CUL5: variants seen among roughly 807,000 people sequenced by gnomAD.
CUL5 encodes the protein cullin-5.
A neutral mutation model predicts 108.8 loss-of-function variants in CUL5; 26 were observed. That is an observed-to-expected ratio of 0.24 (90% CI 0.18 to 0.33). CUL5 has a LOEUF of 0.33. Among genes scored for constraint, CUL5 ranks in the 10% least tolerant of loss-of-function variants. The probability of loss-of-function intolerance (pLI) is 1.00; values close to 1 mark genes in which losing one functional copy is unlikely to be tolerated. For synonymous variants in CUL5, 334 were observed against 298.0 expected, an observed-to-expected ratio of 1.12 and a Z score of -1.25; for missense variants, 524 against 909.2, an observed-to-expected ratio of 0.58 and a Z score of 5.45.
rs543797905 is a variant in CUL5 at position 108,053,873 on chromosome 11, G to T, written c.554-774G>T. 4.6e-5 allele frequency among the ~76,000 whole-genome samples: 7 copies of T among 151,026 alleles called. No individual in the cohort carries two copies. In the East Asian group the frequency reaches 9.8e-4, roughly 21 times the overall value. ...TGTTTCTTTTTTTTTCTTTTTTTGA[G>T]ACAGAGTCTCACTCTGTCACCCAGG... On this transcript the variant is annotated intron_variant, in intron 5 of 18. Coordinates refer to ENST00000393094, the MANE Select transcript of CUL5 (RefSeq NM_003478.6).
At chr11:108,093,311 A>G (rs1864403022) in intron 13 of CUL5, among the ~76,000 whole-genome samples, 1 of 152,206 alleles carries the variant, frequency 6.6e-6, no homozygotes, top group African/African-American at 2.4e-5. Context: ...TGTCAGTGTC[A>G]TGAAATACTG....
intron 2 of CUL5, among the ~76,000 whole-genome samples, chr11:108,044,752 T>A (rs534161499): frequency 5.9e-5 from 9 of 151,328 alleles, no homozygotes; most frequent in African/African-American, 2.2e-4. Context: ...TTTTTTTTTA[T>A]ATTTTAATTT....
At chr11:108,011,769 A>T (rs1862063416) in intron 1 of CUL5, among the ~76,000 whole-genome samples, 1 of 152,154 alleles carries the variant, frequency 6.6e-6, no homozygotes. Flanking sequence ...CTGGGACTAC[A>T]GGCGCACGCC....
chr11:108,057,355 A>G (rs1189683041), intron 7 of CUL5, among the ~76,000 whole-genome samples: 1 of 152,196 alleles, frequency 6.6e-6, no homozygotes, highest in Non-Finnish European at 1.5e-5. Context: ...GAAATGAAAT[A>G]GGATATTTGC....
intron 13 of CUL5, among the ~76,000 whole-genome samples, chr11:108,092,627 A>G (rs1195488752): frequency 1.3e-5 from 2 of 152,168 alleles, no homozygotes; most frequent in Non-Finnish European, 2.9e-5. Flanking sequence ...CACTAATGTG[A>G]AGTGTCCAGA....
intron 1 of CUL5, among the ~76,000 whole-genome samples, chr11:108,016,787 C>T (rs1046223987): frequency 2.0e-5 from 3 of 151,376 alleles, no homozygotes; most frequent in African/African-American, 7.3e-5. Flanking sequence ...CCCATTTGTA[C>T]AAAAACAAAC....
rs548190467 is a variant in CUL5, at chr11:108,020,933, G to A, written c.24+11561G>A. ...TTCCAGTCCTGCAGGCTCCATTCAT[G>A]GTGAGTGCCCAATTTAGGTCTACCA... On this transcript the variant is annotated intron_variant, in intron 1 of 18. Transcript: ENST00000393094. Among the ~76,000 whole-genome samples, 9 of 152,170 alleles carry A rather than the reference G, an allele frequency of 5.9e-5. 1 individual carries two copies. The highest frequency in any genetic ancestry group is 2.2e-4 in the African/African-American group (9 of 41,504).
At chr11:108,054,334 A>G (rs1410320653) in intron 5 of CUL5, among the ~76,000 whole-genome samples, 2 of 152,130 alleles carry the variant, frequency 1.3e-5, no homozygotes, top group African/African-American at 4.8e-5. Flanking sequence ...TGCAAATTCT[A>G]GTTTATTCTT....
At position 108,073,396 on chromosome 11, in the gene CUL5, G is replaced by T; in HGVS notation, c.1012G>T (p.Glu338Ter). ...TAAAACCTTTTGTTTCTAGGACTCT[G>T]AGAAATACGTTGAGCAGTTACTTAC... is the stretch of plus-strand genomic sequence containing the variant. Reference protein sequence around the residue: ...AAAETITTDSEKYVEQLLTLF... With the variant: ...AAAETITTDS The change falls in exon 10 of 19, where the codon GAG becomes TAG. Residue 338 changes from glutamate to a stop codon, truncating the protein, a stop_gained. Coordinates refer to ENST00000393094, the MANE Select transcript of CUL5 (RefSeq NM_003478.6). LOFTEE classifies it high-confidence loss of function. The T allele has an allele frequency of 6.6e-7, 1 of 1,515,950 alleles. No individual in the cohort carries two copies. The highest frequency in any genetic ancestry group is 1.2e-5 in the South Asian group (1 of 82,064). 93.9% of individuals were successfully genotyped at this position (1,515,950 alleles called of 1,614,324 possible).
intron 1 of CUL5, among the ~76,000 whole-genome samples, chr11:108,019,157 CA>C (rs1424399508): frequency 2.4e-5 from 3 of 126,476 alleles, no homozygotes; most frequent in African/African-American, 9.4e-5. Context: ...CATTTTCTAT[CA>C]AGGACTTGAA....
In CUL5 at chr11:108,106,819, A is replaced by T. The variant is rs1230677157; in HGVS notation, c.*2435A>T. The T allele has an allele frequency of 7.0e-6, 1 of 143,800 alleles. No homozygotes were observed. Among genetic ancestry groups the T allele is most frequent in the East Asian group, 2.1e-4 (1 of 4,840 alleles). The allele number at this position is 143,800 out of a possible 1,614,324, so 8.9% of individuals were successfully genotyped here. On this transcript the variant is annotated 3_prime_UTR_variant, in exon 19 of 19. Transcript: ENST00000393094. Reference sequence around the variant, plus strand: ...ATAACCTGCAGTTAAGTGAAAAGAAAATCCAGCCTCCCCCTCCAAAAAAAA... The same window carrying T: ...ATAACCTGCAGTTAAGTGAAAAGAATATCCAGCCTCCCCCTCCAAAAAAAA...
rs998562999 is a variant in CUL5 at position 108,009,078 on chromosome 11, T to G, written c.-271T>G. 1 of 537,644 alleles carries G rather than the reference T, an allele frequency of 1.9e-6. No homozygotes were observed. Among genetic ancestry groups the G allele is most frequent in the Admixed American group, 3.4e-5 (1 of 29,702 alleles). The allele number at this position is 537,644 out of a possible 1,614,324, so 33.3% of individuals were successfully genotyped here. ...CCAAGTCAGGTCGGCTCCCGTTACC[T>G]TCTCAGCATTCGCCGTTCCGGTCTT... On this transcript the variant is annotated 5_prime_UTR_variant, in exon 1 of 19. Transcript: ENST00000393094.
intron 11 of CUL5, among the ~76,000 whole-genome samples, chr11:108,082,197 G>C (rs1864103974): frequency 6.6e-6 from 1 of 150,810 alleles, no homozygotes; most frequent in African/African-American, 2.4e-5. Flanking sequence ...AAATTGAATT[G>C]CTCTTCCTTC....
At chr11:108,098,625 G>A (rs1864560666) in intron 18 of CUL5, 96 bp downstream of exon 18, 6 of 1,066,754 alleles carry the variant, frequency 5.6e-6, no homozygotes, top group Non-Finnish European at 7.5e-6. Context: ...TTAAAAGCAT[G>A]TAGGGGCTAA....
Position 108,105,617 on chromosome 11 carries a change from T to C in CUL5, c.*1233T>C, listed in dbSNP as rs1055517127. 1 of 152,146 alleles carries C rather than the reference T, an allele frequency of 6.6e-6. No individual in the cohort carries two copies. The highest frequency in any genetic ancestry group is 2.4e-5 in the African/African-American group (1 of 41,452). 9.4% of individuals were successfully genotyped at this position (152,146 alleles called of 1,614,324 possible). On this transcript the variant is annotated 3_prime_UTR_variant, in exon 19 of 19. Coordinates refer to ENST00000393094, the MANE Select transcript of CUL5 (RefSeq NM_003478.6). ...TTTCAGTCTATCCAAAGTAGCAACT[T>C]AACTAGTTGCTGGCAACTGAATACC...
chr11:108,072,149 A>T (rs914599938), intron 8 of CUL5, among the ~76,000 whole-genome samples, 183 bp from the exon 9 acceptor site: 2 of 152,196 alleles, frequency 1.3e-5, no homozygotes, highest in African/African-American at 4.8e-5. Context: ...ACTGTACTCC[A>T]GCTTGGGTGA....
At chr11:108,060,336 G>A (rs12793438) in intron 7 of CUL5, among the ~76,000 whole-genome samples, 17,232 of 152,186 alleles carry the variant, frequency 0.11, 1,113 homozygotes, top group Non-Finnish European at 0.15. Context: ...AGATATCCTT[G>A]TATGGTTAAG....
chr11:108,028,408 A>C (rs1862500505), intron 1 of CUL5, among the ~76,000 whole-genome samples: 1 of 152,032 alleles, frequency 6.6e-6, no homozygotes, highest in Non-Finnish European at 1.5e-5. Flanking sequence ...CACTTCTCAT[A>C]CCTCCTACCT....
intron 1 of CUL5, among the ~76,000 whole-genome samples, chr11:108,017,911 T>G (rs1334533495): frequency 2.0e-5 from 3 of 152,288 alleles, no homozygotes; most frequent in Admixed American, 2.0e-4. Context: ...CAGAAAATAA[T>G]TTTTCCCCAA....
Sources: allele counts gnomAD v4.1 joint callset (sites outside exome capture counted in the v4.1 genomes callset), GRCh38; gene constraint gnomAD v4.1.1; transcripts MANE v1.5; gene names NCBI Gene and HGNC (gene_info 2026-07-23, HGNC 2026-07-21).